The following GCNT2 variants were observed in gnomAD, a reference collection of about 807,000 sequenced individuals.
GCNT2 encodes the protein N-acetyllactosaminide beta-1,6-N-acetylglucosaminyl-transferase.
A neutral mutation model predicts 34.2 loss-of-function variants in GCNT2; 34 were observed. The observed-to-expected ratio is 1.00, with a 90% CI of 0.76 to 1.32. The LOEUF (loss-of-function observed/expected upper bound fraction) is 1.32, where lower values mean the gene tolerates loss of function less well. Among genes scored for constraint, GCNT2 ranks in the 40% most tolerant of loss-of-function variants. The pLI, the probability that GCNT2 is intolerant of heterozygous loss-of-function variation, is 0.00. For missense variants in GCNT2, 584 were observed against 489.4 expected (o/e 1.19, Z -1.82); for synonymous variants, 212 against 188.0 (o/e 1.13, Z -1.04).
At chr6:10,533,330 T>A (rs1166748044) in intron 3 of GCNT2, among the ~76,000 whole-genome samples, 1 of 151,722 alleles carries the variant, frequency 6.6e-6, no homozygotes, top group Non-Finnish European at 1.5e-5. Flanking sequence ...AAAAAAAAAT[T>A]AGTCCAGAAA....
intron 3 of GCNT2, among the ~76,000 whole-genome samples, chr6:10,603,458 G>A (rs1163942184): frequency 1.3e-5 from 2 of 152,326 alleles, no homozygotes; most frequent in East Asian, 3.9e-4. Context: ...CAGCGCCACG[G>A]TGGGAAGCAC....
intron 3 of GCNT2, among the ~76,000 whole-genome samples, chr6:10,564,943 T>C (rs1046685865): frequency 3.3e-5 from 5 of 151,710 alleles, no homozygotes; most frequent in African/African-American, 9.7e-5. Flanking sequence ...ATCATTAGAG[T>C]TGATGAGAAA....
At chr6:10,603,457 G>A (rs534036646) in intron 3 of GCNT2, among the ~76,000 whole-genome samples, 87 of 152,322 alleles carry the variant, frequency 5.7e-4, no homozygotes, top group African/African-American at 1.5e-3. Flanking sequence ...ACAGCGCCAC[G>A]GTGGGAAGCA....
intron 3 of GCNT2, among the ~76,000 whole-genome samples, chr6:10,616,398 C>T (rs907308037): frequency 5.3e-5 from 8 of 152,154 alleles, no homozygotes; most frequent in Non-Finnish European, 8.8e-5. Context: ...AACAGGGTAC[C>T]GCTGTTAGTT....
rs1034230483 is a variant in GCNT2, at chr6:10,626,767, CTG to C, written c.*163_*164del. 1.7e-4 allele frequency: 111 copies of C among 636,784 alleles called. 1 individual carries two copies. The African/African-American group carries it at 1.8e-3, about 10-fold the overall frequency. 39.4% of individuals were successfully genotyped at this position (636,784 alleles called of 1,614,324 possible). Reference sequence around the variant, plus strand: ...TTATACTTAAAATATCCACTGGACACTGTGAAATACACTAACAGGATGGCTGG... The same window carrying C: ...TTATACTTAAAATATCCACTGGACACTGAAATACACTAACAGGATGGCTGG... On this transcript the variant is annotated 3_prime_UTR_variant, in exon 5 of 5. Coordinates refer to ENST00000495262, the MANE Select transcript of GCNT2 (RefSeq NM_145649.5).
At chr6:10,543,301 G>C (rs889843671) in intron 3 of GCNT2, among the ~76,000 whole-genome samples, 1 of 150,834 alleles carries the variant, frequency 6.6e-6, no homozygotes, top group Non-Finnish European at 1.5e-5. Context: ...CAATTCTCGT[G>C]CCTCAGCCTC....
At position 10,555,749 on chromosome 6, in the gene GCNT2, G is replaced by T. The variant is rs12660274; in HGVS notation, c.925+25913G>T. On this transcript the variant is annotated intron_variant, in intron 3 of 4. Coordinates refer to ENST00000495262, the MANE Select transcript of GCNT2 (RefSeq NM_145649.5). ...CTTGTTTTGAAAAACAGTGGGGTGGGGCCAAAAAAGCATTACAATGGAGCT... is the reference window on the plus strand; with the variant it reads ...CTTGTTTTGAAAAACAGTGGGGTGGTGCCAAAAAAGCATTACAATGGAGCT... 0.19 allele frequency: 191,893 copies of T among 984,744 alleles called. 19,110 individuals carry two copies. Among genetic ancestry groups the T allele is most frequent in the East Asian group, 0.3 (2,662 of 8,792 alleles). 61.0% of individuals were successfully genotyped at this position (984,744 alleles called of 1,614,324 possible). A position where few individuals can be genotyped will look rare whatever the true frequency, so the allele number is the denominator to read the frequency against.
At chr6:10,621,243 G>A in intron 3 of GCNT2, 108 bp from the exon 4 acceptor site, 5 of 748,220 alleles carry the variant, frequency 6.7e-6, no homozygotes, top group Non-Finnish European at 1.2e-5. Context: ...AAATGCGAAA[G>A]GTAATAAACT....
chr6:10,551,241 C>T (rs900731752), intron 3 of GCNT2, among the ~76,000 whole-genome samples: 1 of 151,984 alleles, frequency 6.6e-6, no homozygotes, highest in Non-Finnish European at 1.5e-5. Flanking sequence ...ATTTGCTTGG[C>T]ATCATTCAGC....
At position 10,626,483 on chromosome 6, in the gene GCNT2, G is replaced by A. The variant is rs1766261269; in HGVS notation, c.1085G>A (p.Ser362Asn). ...GDLKWLVNSP[S>N]LFANKFELNT... is the part of the protein sequence containing the mutation. Reference sequence around the variant, plus strand: ...TTAAAGTGGCTGGTTAATTCACCAAGCCTGTTTGCTAACAAGTTTGAGCTT... The same window carrying A: ...TTAAAGTGGCTGGTTAATTCACCAAACCTGTTTGCTAACAAGTTTGAGCTT... Residue 362 changes from serine (S) to asparagine (N), a missense_variant, in exon 5 of 5, where the codon AGC becomes AAC. Physicochemically the swap from Ser to Asn is conservative, Grantham distance 46. Coordinates refer to ENST00000495262, the MANE Select transcript of GCNT2 (RefSeq NM_145649.5). 2 of 1,613,236 alleles carry A rather than the reference G, an allele frequency of 1.2e-6. No individual in the cohort carries two copies. Among genetic ancestry groups the A allele is most frequent in the African/African-American group, 1.3e-5 (1 of 74,880 alleles).
rs561431831 is a variant in GCNT2 at position 10,561,333 on chromosome 6, T to A, written c.925+31497T>A. On this transcript the variant is annotated intron_variant, in intron 3 of 4. Coordinates refer to ENST00000495262, the MANE Select transcript of GCNT2 (RefSeq NM_145649.5). ...ATGTGCCACCATGCCTGGCTAATTT[T>A]GTATTTTTAGTAGAGACGGGGTTTC... Among the ~76,000 whole-genome samples the A allele has an allele frequency of 1.3e-5, 2 of 152,292 alleles. 1 individual carries two copies. The highest frequency in any genetic ancestry group is 3.9e-4 in the East Asian group (2 of 5,174).
chr6:10,568,482 G>A (rs903257948), intron 3 of GCNT2, among the ~76,000 whole-genome samples: 10 of 151,966 alleles, frequency 6.6e-5, no homozygotes, highest in African/African-American at 7.3e-5. Context: ...GACTATTGTC[G>A]GACCCACTCC....
chr6:10,562,247 T>C (rs1350441408), intron 3 of GCNT2, among the ~76,000 whole-genome samples: 2 of 152,202 alleles, frequency 1.3e-5, no homozygotes, highest in African/African-American at 2.4e-5. Flanking sequence ...ATGGTCCCCC[T>C]ATCTCTCTGC....
At chr6:10,558,401 TTA>T (rs1309432926) in intron 3 of GCNT2, among the ~76,000 whole-genome samples, 1 of 152,184 alleles carries the variant, frequency 6.6e-6, no homozygotes, top group Non-Finnish European at 1.5e-5. Context: ...ATGTACCATA[TTA>T]TATGTGTAGG....
At chr6:10,534,568 T>C (rs1423766394) in intron 3 of GCNT2, among the ~76,000 whole-genome samples, 2 of 152,144 alleles carry the variant, frequency 1.3e-5, no homozygotes, top group African/African-American at 4.8e-5. Flanking sequence ...CCTCTCAGGC[T>C]GCGGCTGACG....
chr6:10,530,189 C>T (rs1199026577), intron 3 of GCNT2: 2 of 215,148 alleles, frequency 9.3e-6, no homozygotes, highest in Admixed American at 5.3e-5. Flanking sequence ...TGGTGAAAAC[C>T]TGTATCTACT....
rs183996748 is a variant in GCNT2, at chr6:10,605,699, G to C, written c.926-15652G>C. Among the ~76,000 whole-genome samples the C allele has an allele frequency of 1.6e-3, 240 of 152,106 alleles. 3 individuals carry two copies. The highest frequency in any genetic ancestry group is 1.9e-4 in the Non-Finnish European group (13 of 68,008). On this transcript the variant is annotated intron_variant, in intron 3 of 4. Transcript: ENST00000495262. Reference sequence around the variant, plus strand: ...CGTCAGGGATAAAAACCGAAGAATGGAATTTACTAGTTTGTTGACTTGGCC... The same window carrying C: ...CGTCAGGGATAAAAACCGAAGAATGCAATTTACTAGTTTGTTGACTTGGCC...
At chr6:10,617,747 C>CCTTTT (rs1554138285) in intron 3 of GCNT2, among the ~76,000 whole-genome samples, 2 of 114,294 alleles carry the variant, frequency 1.7e-5, no homozygotes, top group African/African-American at 8.5e-5. Flanking sequence ...GTCTGCATTT[C>CCTTTT]TTCTTTTTTT....
At chr6:10,603,242 T>C (rs1765156233) in intron 3 of GCNT2, among the ~76,000 whole-genome samples, 6 of 152,220 alleles carry the variant, frequency 3.9e-5, no homozygotes, top group Admixed American at 3.9e-4. Context: ...ACAGGTCCCT[T>C]GTAAAAGGTT....
Sources: gnomAD v4.1 joint callset for allele counts (sites outside exome capture counted in the v4.1 genomes callset) on GRCh38, gnomAD v4.1.1 for gene constraint, MANE v1.5 for transcripts, NCBI Gene and HGNC (gene_info 2026-07-23, HGNC 2026-07-21) for gene names.